The following HDAC9 variants were observed in gnomAD, a reference collection of about 807,000 sequenced individuals.
The protein encoded by HDAC9 is histone deacetylase 9, also known as MEF-2 interacting transcription repressor (MITR) protein.
HDAC9 carries 41 observed loss-of-function variants against 139.4 expected under a neutral mutation model. The ratio of observed to expected loss-of-function variants is 0.29; its 90% CI spans 0.23 to 0.38. HDAC9 has a LOEUF of 0.38. Among genes scored for constraint, HDAC9 ranks in the 10% least tolerant of loss-of-function variants. The pLI is 1.00. For missense variants in HDAC9, 1,147 were observed against 1,297.0 expected (o/e 0.88, Z 1.78); for synonymous variants, 517 against 476.2 (o/e 1.09, Z -1.12).
At chr7:18,189,331 A>C (rs567593594) in intron 2 of HDAC9, among the ~76,000 whole-genome samples, 33 of 142,250 alleles carry the variant, frequency 2.3e-4, no homozygotes, top group African/African-American at 7.3e-4. Flanking sequence ...AACACACTCC[A>C]GGGCCTGTTG....
chr7:18,631,369 C>G (rs2128980858), intron 7 of HDAC9, among the ~76,000 whole-genome samples: 1 of 152,156 alleles, frequency 6.6e-6, no homozygotes, highest in Admixed American at 6.6e-5. Context: ...GTATACCGCA[C>G]TTACTCGAAA....
At chr7:18,627,749 A>G (rs1318392098) in intron 6 of HDAC9, among the ~76,000 whole-genome samples, 1 of 152,008 alleles carries the variant, frequency 6.6e-6, no homozygotes, top group Non-Finnish European at 1.5e-5. Flanking sequence ...GCTTGTGCTC[A>G]CCCCTGATCT....
intron 13 of HDAC9, among the ~76,000 whole-genome samples, chr7:18,739,184 G>A (rs1261803949): frequency 3.3e-5 from 5 of 152,098 alleles, no homozygotes; most frequent in Admixed American, 2.6e-4. Context: ...AAGGTTTTTA[G>A]CTTCCTTGAG....
intron 22 of HDAC9, chr7:18,892,223 A>T (rs895451465): frequency 6.6e-6 from 1 of 152,174 alleles, no homozygotes; most frequent in Non-Finnish European, 1.5e-5. Context: ...AAGTATTTGG[A>T]CCAACTCATA....
intron 12 of HDAC9, among the ~76,000 whole-genome samples, chr7:18,686,640 T>C (rs1470345461): frequency 1.3e-5 from 2 of 151,916 alleles, no homozygotes; most frequent in African/African-American, 4.8e-5. Flanking sequence ...AAACACGAAT[T>C]TAGATATATA....
At chr7:18,717,361 AC>A (rs1449079660) in intron 12 of HDAC9, among the ~76,000 whole-genome samples, 2 of 150,828 alleles carry the variant, frequency 1.3e-5, no homozygotes, top group African/African-American at 2.4e-5. Context: ...TGTTAAAGAT[AC>A]CCTCTACCTT....
intron 2 of HDAC9, among the ~76,000 whole-genome samples, chr7:18,584,140 C>T (rs199956577): frequency 6.6e-4 from 71 of 107,670 alleles, no homozygotes; most frequent in Non-Finnish European, 7.3e-4. Flanking sequence ...AAGCAGCATT[C>T]TTTTTTTTTT....
chr7:18,210,973 C>G (rs1791899637), intron 2 of HDAC9, among the ~76,000 whole-genome samples: 1 of 152,062 alleles, frequency 6.6e-6, no homozygotes, highest in Non-Finnish European at 1.5e-5. Context: ...ACGGCCTTTC[C>G]TTTGGAGTCA....
At chr7:18,733,125 G>A (rs1562894553) in intron 13 of HDAC9, among the ~76,000 whole-genome samples, 1 of 141,410 alleles carries the variant, frequency 7.1e-6, no homozygotes, top group South Asian at 2.2e-4. Context: ...GTGTATACAT[G>A]TATATATATA....
At chr7:18,552,957 G>A (rs1817621952) in intron 2 of HDAC9, among the ~76,000 whole-genome samples, 1 of 152,156 alleles carries the variant, frequency 6.6e-6, no homozygotes, top group African/African-American at 2.4e-5. Flanking sequence ...TAATCCAAGT[G>A]TACTGGCAGC....
intron 16 of HDAC9, among the ~76,000 whole-genome samples, chr7:18,768,334 T>G (rs1288994227): frequency 6.6e-6 from 1 of 152,156 alleles, no homozygotes; most frequent in African/African-American, 2.4e-5. Flanking sequence ...CTTTCATGGC[T>G]TTCATCTTTA....
chr7:18,769,307 G>T (rs1234354684), intron 16 of HDAC9, among the ~76,000 whole-genome samples: 1 of 152,156 alleles, frequency 6.6e-6, no homozygotes, highest in Non-Finnish European at 1.5e-5. Flanking sequence ...AAATGACCAA[G>T]GAGTGAATAT....
chr7:18,665,248 G>GAAA (rs1794503926), intron 11 of HDAC9, among the ~76,000 whole-genome samples: 1 of 152,158 alleles, frequency 6.6e-6, no homozygotes, highest in Non-Finnish European at 1.5e-5. Context: ...CATAGGCACT[G>GAAA]ACTTAGCAGA....
At chr7:18,637,743 A>C (rs1784345588) in intron 8 of HDAC9, among the ~76,000 whole-genome samples, 1 of 152,030 alleles carries the variant, frequency 6.6e-6, no homozygotes. Flanking sequence ...TGTGGCCCAG[A>C]ACAAAAAATG....
At chr7:18,979,399 C>T (rs1784753138) in intron 25 of HDAC9, among the ~76,000 whole-genome samples, 1 of 152,082 alleles carries the variant, frequency 6.6e-6, no homozygotes, top group Admixed American at 6.6e-5. Flanking sequence ...TAGCCCATCC[C>T]AATGGGATTG....
chr7:18,319,627 T>TA (rs1799892568), intron 1 of HDAC9, among the ~76,000 whole-genome samples: 1 of 152,246 alleles, frequency 6.6e-6, no homozygotes, highest in Non-Finnish European at 1.5e-5. Context: ...AACTCACCAA[T>TA]ATATTGCTTG....
chr7:18,407,635 T>C (rs1306802663), intron 1 of HDAC9, among the ~76,000 whole-genome samples: 1 of 152,156 alleles, frequency 6.6e-6, no homozygotes, highest in African/African-American at 2.4e-5. Flanking sequence ...TACAATGCAG[T>C]TTGAATTCTT....
chr7:18,985,525 A>G (rs1454423376), intron 25 of HDAC9, among the ~76,000 whole-genome samples: 6 of 152,060 alleles, frequency 3.9e-5, no homozygotes, highest in African/African-American at 1.5e-4. Context: ...TGCCGCAATA[A>G]ACGTACGTGT....
At chr7:18,150,232 A>G (rs569589720) in intron 1 of HDAC9, among the ~76,000 whole-genome samples, 4 of 148,734 alleles carry the variant, frequency 2.7e-5, no homozygotes, top group African/African-American at 4.9e-5. Flanking sequence ...ATATGTTTCT[A>G]TTTTTTTTTT....
Sources: allele counts gnomAD v4.1 joint callset (sites outside exome capture counted in the v4.1 genomes callset), GRCh38; gene constraint gnomAD v4.1.1; transcripts MANE v1.5; gene names NCBI Gene and HGNC (gene_info 2026-07-23, HGNC 2026-07-21).